Variants in DIAPH3 observed in about 807,000 individuals in gnomAD.
The protein encoded by DIAPH3 is diaphanous related formin 3.
A neutral mutation model predicts 144.3 loss-of-function variants in DIAPH3; 117 were observed. The observed-to-expected ratio is 0.81, with a 90% CI of 0.70 to 0.95. The LOEUF (loss-of-function observed/expected upper bound fraction) is 0.95. DIAPH3 is among the 40% of genes least tolerant of loss of function. DIAPH3 has a pLI of 0.00. For synonymous variants in DIAPH3, 519 were observed against 488.9 expected (o/e 1.06, Z -0.81); for missense variants, 1,421 against 1,412.7 (o/e 1.01, Z -0.09).
rs422462 is a variant in DIAPH3, at chr13:59,970,367, C to T, written c.1960-309G>A. ...GCACTATACATTTTGGTGGGCAGGA[C>T]ACATTATACAGCATTTTCCATGTTT... On this transcript the variant is annotated intron_variant, in intron 16 of 27. Coordinates refer to ENST00000400324, the MANE Select transcript of DIAPH3 (RefSeq NM_001042517.2). Among the ~76,000 whole-genome samples, 148,055 of 152,228 alleles carry T rather than the reference C, an allele frequency of 0.97. 72,024 individuals are homozygous for T. The highest frequency in any genetic ancestry group is 1 in the East Asian group (5,176 of 5,180).
intron 22 of DIAPH3, among the ~76,000 whole-genome samples, chr13:59,856,332 T>C (rs992754455): frequency 2.0e-5 from 3 of 152,206 alleles, no homozygotes; most frequent in Non-Finnish European, 4.4e-5. Context: ...TAAGTTAGTA[T>C]ATTAGTTTGC....
intron 27 of DIAPH3, among the ~76,000 whole-genome samples, chr13:59,728,360 A>G (rs1000427315): frequency 6.6e-6 from 1 of 152,096 alleles, no homozygotes; most frequent in African/African-American, 2.4e-5. Context: ...GAATTAATAC[A>G]TAAAGAATTC....
chr13:59,793,261 C>G (rs1023893650), intron 25 of DIAPH3, among the ~76,000 whole-genome samples: 7 of 152,266 alleles, frequency 4.6e-5, no homozygotes, highest in Non-Finnish European at 1.5e-5. Flanking sequence ...TCCTGCCGCC[C>G]TCAGAAGTTT....
intron 22 of DIAPH3, among the ~76,000 whole-genome samples, chr13:59,842,629 C>T (rs1370979253): frequency 1.3e-5 from 2 of 152,072 alleles, no homozygotes; most frequent in Non-Finnish European, 2.9e-5. Flanking sequence ...ATTTCAGATG[C>T]CAGTTGCCAG....
At chr13:59,824,290 T>G (rs1191839833) in intron 24 of DIAPH3, among the ~76,000 whole-genome samples, 1 of 152,178 alleles carries the variant, frequency 6.6e-6, no homozygotes, top group Admixed American at 6.6e-5. Context: ...TAATTTGATT[T>G]TCAAAAAGTA....
intron 4 of DIAPH3, among the ~76,000 whole-genome samples, chr13:60,091,133 G>A (rs898287574): frequency 1.5e-4 from 23 of 152,168 alleles, no homozygotes; most frequent in Non-Finnish European, 3.2e-4. Flanking sequence ...CTACTTGTTA[G>A]ATTTACAATT....
chr13:60,093,832 G>A, intron 3 of DIAPH3, 100 bp from the exon 4 acceptor site: 1 of 796,630 alleles, frequency 1.3e-6, no homozygotes, highest in South Asian at 1.4e-5. Context: ...GACTAAAGCA[G>A]CATTAATTGT....
intron 20 of DIAPH3, among the ~76,000 whole-genome samples, chr13:59,909,248 T>C (rs56240110): frequency 0.06 from 9,151 of 152,218 alleles, 311 homozygotes; most frequent in Admixed American, 0.1. Context: ...AAACACATCA[T>C]TCTTTAGTAA....
intron 12 of DIAPH3, among the ~76,000 whole-genome samples, chr13:59,987,399 G>T (rs543538992): frequency 6.9e-6 from 1 of 144,864 alleles, no homozygotes; most frequent in East Asian, 2.1e-4. Flanking sequence ...TGGGTGCAGC[G>T]CACCAGCATG....
At chr13:59,977,608 TGTA>T (rs1329783385) in intron 14 of DIAPH3, among the ~76,000 whole-genome samples, 2 of 151,768 alleles carry the variant, frequency 1.3e-5, no homozygotes, top group Non-Finnish European at 2.9e-5. Context: ...TGGAGGCTAT[TGTA>T]GTTATCCAAG....
intron 27 of DIAPH3, among the ~76,000 whole-genome samples, chr13:59,671,485 T>C (rs926631068): frequency 8.5e-5 from 13 of 152,248 alleles, no homozygotes; most frequent in Non-Finnish European, 1.3e-4. Flanking sequence ...TTTTACAAAT[T>C]GAATCCTAGG....
chr13:59,686,176 G>T (rs1259041166), intron 27 of DIAPH3, among the ~76,000 whole-genome samples: 3 of 152,022 alleles, frequency 2.0e-5, no homozygotes, highest in Non-Finnish European at 4.4e-5. Flanking sequence ...TCTGCTATAG[G>T]AGAAAGAAGT....
At chr13:59,959,235 G>A (rs561062780) in intron 17 of DIAPH3, among the ~76,000 whole-genome samples, 1 of 152,158 alleles carries the variant, frequency 6.6e-6, no homozygotes, top group South Asian at 2.1e-4. Flanking sequence ...AAATGCCCCA[G>A]GACTCCTAAA....
chr13:59,722,083 C>T (rs1020286426), intron 27 of DIAPH3, among the ~76,000 whole-genome samples: 2 of 152,190 alleles, frequency 1.3e-5, no homozygotes, highest in Non-Finnish European at 2.9e-5. Flanking sequence ...CATAAAACAT[C>T]TAATTATCCC....
intron 20 of DIAPH3, among the ~76,000 whole-genome samples, chr13:59,901,142 A>G (rs777088583): frequency 2.0e-5 from 3 of 152,256 alleles, no homozygotes; most frequent in East Asian, 1.9e-4. Context: ...CTGTTTCTCC[A>G]TATAGCTGCC....
In DIAPH3 at chr13:59,810,920, C is replaced by T. The variant is rs2040437569; in HGVS notation, c.3031G>A (p.Ala1011Thr). 3 of 1,463,722 alleles carry T rather than the reference C, an allele frequency of 2.0e-6. No homozygotes were observed. Among genetic ancestry groups the T allele is most frequent in the African/African-American group, 4.7e-5 (2 of 42,556 alleles). 90.7% of individuals were successfully genotyped at this position (1,463,722 alleles called of 1,614,324 possible). The part of the protein sequence containing the change: ...LNNFRTTFMQ[A>T]IKENIKKREA... The stretch of plus-strand genomic sequence containing the variant: ...CTTTTTTTGATATTCTCCTTTATTG[C>T]TTGCTAAAAAAATTTTGAAAAATGA... Residue 1011 changes from alanine (A) to threonine (T), a missense_variant, in exon 25 of 28, where the codon GCA becomes ACA. Coordinates refer to ENST00000400324, the MANE Select transcript of DIAPH3 (RefSeq NM_001042517.2).
rs772057955 is a variant in DIAPH3, at chr13:59,983,749, T to C, written c.1480+20A>G. On this transcript the variant is annotated intron_variant, in intron 13 of 27. Coordinates refer to ENST00000400324, the MANE Select transcript of DIAPH3 (RefSeq NM_001042517.2). ...AATAAGAGACAATAAGATATTTCTA[T>C]TTAAATAATAAATACTCACCTACAA... The C allele has an allele frequency of 6.8e-7, 1 of 1,470,078 alleles. No individual in the cohort carries two copies. The highest frequency in any genetic ancestry group is 9.5e-7 in the Non-Finnish European group (1 of 1,051,898). The allele number at this position is 1,470,078 out of a possible 1,614,324, so 91.1% of individuals were successfully genotyped here.
chr13:60,125,068 A>C (rs1314228424), intron 2 of DIAPH3, among the ~76,000 whole-genome samples: 2 of 152,104 alleles, frequency 1.3e-5, no homozygotes, highest in Non-Finnish European at 2.9e-5. Flanking sequence ...AACAGTGCTT[A>C]CTCAGAGGTT....
Position 59,767,199 on chromosome 13 carries a change from C to T in DIAPH3, c.3319+6990G>A, listed in dbSNP as rs1221666544. ...GTGAACCTCCACAGTAGCACCACCT[C>T]GTTGGATTGTAACTGTTTAGGTTAA... On this transcript the variant is annotated intron_variant, in intron 27 of 27. Coordinates refer to ENST00000400324, the MANE Select transcript of DIAPH3 (RefSeq NM_001042517.2). Among the ~76,000 whole-genome samples, 4 of 152,270 alleles carry T rather than the reference C, an allele frequency of 2.6e-5. No individual in the cohort carries two copies. The East Asian group carries it at 5.8e-4, about 22-fold the overall frequency.
Sources: allele counts gnomAD v4.1 joint callset (sites outside exome capture counted in the v4.1 genomes callset), GRCh38; gene constraint gnomAD v4.1.1; transcripts MANE v1.5; gene names NCBI Gene and HGNC (gene_info 2026-07-23, HGNC 2026-07-21).